Variants in RHBDD1 observed in about 807,000 individuals in gnomAD.
RHBDD1 encodes the protein rhomboid-related protein 4.
RHBDD1 carries 38 observed loss-of-function variants against 36.3 expected under a neutral mutation model. That is an observed-to-expected ratio of 1.05 (90% CI 0.81 to 1.37). The LOEUF is 1.37. Ranked by LOEUF, RHBDD1 falls within the 40% of genes most tolerant of loss-of-function variation. The pLI, the probability that RHBDD1 is intolerant of heterozygous loss-of-function variation, is 0.00. For missense variants in RHBDD1, 393 were observed against 377.6 expected (o/e 1.04, Z -0.34); for synonymous variants, 151 against 136.5 (o/e 1.11, Z -0.74).
intron 5 of RHBDD1, among the ~76,000 whole-genome samples, chr2:226,870,104 A>G (rs1385508515): frequency 6.6e-6 from 1 of 152,226 alleles, no homozygotes; most frequent in Non-Finnish European, 1.5e-5. Context: ...CTCAGCGACT[A>G]TACTAGAGGA....
chr2:226,976,028 G>C (rs1212522543), intron 8 of RHBDD1, among the ~76,000 whole-genome samples: 1 of 151,828 alleles, frequency 6.6e-6, no homozygotes, highest in Non-Finnish European at 1.5e-5. Flanking sequence ...AGCAGGGCCT[G>C]TCTGGTCACA....
At chr2:226,960,998 A>G (rs1315905469) in intron 8 of RHBDD1, among the ~76,000 whole-genome samples, 1 of 152,206 alleles carries the variant, frequency 6.6e-6, no homozygotes, top group Non-Finnish European at 1.5e-5. Flanking sequence ...AGCACTGCCT[A>G]TTAAGAATTT....
At position 226,864,810 on chromosome 2, in the gene RHBDD1, C is replaced by G; in HGVS notation, c.117C>G (p.Ile39Met). 6.2e-7 allele frequency: 1 copy of G among 1,614,218 alleles called. No individual in the cohort carries two copies. The highest frequency in any genetic ancestry group is 8.5e-7 in the Non-Finnish European group (1 of 1,180,024). ...PVTLATLALN[I>M]WFFLNPQKPL... The stretch of plus-strand genomic sequence containing the variant: ...CCCTAGCAACTTTGGCCCTCAACAT[C>G]TGGTTCTTCTTGAACCCTCAGAAGC... The change falls in exon 4 of 9, where the codon ATC becomes ATG. Residue 39 changes from isoleucine to methionine, a missense_variant. Ile to Met is a conservative substitution (Grantham distance 10). Transcript: ENST00000392062.
chr2:226,885,032 CA>C (rs1196272014), intron 5 of RHBDD1, among the ~76,000 whole-genome samples: 2 of 152,036 alleles, frequency 1.3e-5, no homozygotes, highest in Non-Finnish European at 2.9e-5. Flanking sequence ...TATCAATAAA[CA>C]ATTTATAGAA....
intron 5 of RHBDD1, among the ~76,000 whole-genome samples, chr2:226,900,132 T>G (rs1335846472): frequency 6.6e-6 from 1 of 152,352 alleles, no homozygotes; most frequent in East Asian, 1.9e-4. Context: ...ACGCACTTTG[T>G]GTATACACAG....
intron 8 of RHBDD1, among the ~76,000 whole-genome samples, chr2:226,971,613 A>C (rs1953519278): frequency 6.6e-6 from 1 of 152,114 alleles, no homozygotes; most frequent in African/African-American, 2.4e-5. Context: ...GCTATAGTTT[A>C]TTTTTTTGCC....
the RHBDD1 span, among the ~76,000 whole-genome samples, chr2:226,816,904 C>T: frequency 7.2e-6 from 1 of 139,698 alleles, no homozygotes; most frequent in African/African-American, 2.5e-5. Context: ...AAAAAAACCA[C>T]ACACACACGT....
intron 5 of RHBDD1, among the ~76,000 whole-genome samples, chr2:226,902,193 C>T (rs368974807): frequency 6.6e-6 from 1 of 152,240 alleles, no homozygotes; most frequent in Admixed American, 6.5e-5. Flanking sequence ...AATGAAGCCA[C>T]AGGCTTATTC....
chr2:226,977,843 A>G (rs1575404398), intron 8 of RHBDD1, among the ~76,000 whole-genome samples: 1 of 152,230 alleles, frequency 6.6e-6, no homozygotes, highest in East Asian at 1.9e-4. Context: ...TTGTACTTTT[A>G]TATTGAGTTC....
intron 8 of RHBDD1, among the ~76,000 whole-genome samples, chr2:226,990,332 G>C (rs923708733): frequency 2.0e-5 from 3 of 152,140 alleles, no homozygotes; most frequent in African/African-American, 7.2e-5. Flanking sequence ...GTCGCATGCT[G>C]CTGCCCTCAT....
At chr2:226,972,975 A>G (rs998432541) in intron 8 of RHBDD1, among the ~76,000 whole-genome samples, 13 of 150,594 alleles carry the variant, frequency 8.6e-5, no homozygotes, top group African/African-American at 1.5e-4. Context: ...CCCCACTGCT[A>G]TATGATTTTC....
At chr2:226,814,847 T>C in the RHBDD1 span, among the ~76,000 whole-genome samples, 1 of 152,200 alleles carries the variant, frequency 6.6e-6, no homozygotes, top group Admixed American at 6.5e-5. Context: ...CATGTTTACA[T>C]CAGTTCCTTA....
chr2:226,999,163 T>A lies in RHBDD1; in HGVS notation c.*3641T>A, dbSNP rs1960319452. The A allele has an allele frequency of 6.6e-6, 1 of 152,230 alleles. No individual in the cohort carries two copies. The highest frequency in any genetic ancestry group is 6.5e-5 in the Admixed American group (1 of 15,284). 9.4% of individuals were successfully genotyped at this position (152,230 alleles called of 1,614,324 possible). On this transcript the variant is annotated 3_prime_UTR_variant, in exon 9 of 9. Coordinates refer to ENST00000392062, the MANE Select transcript of RHBDD1 (RefSeq NM_001167608.3). ...TCCTCACAGTGCCTTGAGCAGTACG[T>A]TGTCTGGAATGTCAGAACCAATAAA...
the RHBDD1 span, among the ~76,000 whole-genome samples, chr2:226,800,983 C>A: frequency 3.3e-5 from 5 of 152,200 alleles, no homozygotes; most frequent in African/African-American, 1.2e-4. Flanking sequence ...TTTTTTAAGC[C>A]GACCTATAAA....
intron 8 of RHBDD1, chr2:226,914,718 T>C (rs1190161274): frequency 6.4e-6 from 1 of 156,292 alleles, no homozygotes; most frequent in African/African-American, 2.4e-5. Flanking sequence ...TATCAAAATA[T>C]TGCCCATAAA....
At chr2:226,964,381 TTTTC>T (rs1170540510) in intron 8 of RHBDD1, among the ~76,000 whole-genome samples, 2 of 152,156 alleles carry the variant, frequency 1.3e-5, no homozygotes, top group Non-Finnish European at 2.9e-5. Flanking sequence ...ACCATACCTT[TTTTC>T]TTTCTTGTTT....
intron 4 of RHBDD1, among the ~76,000 whole-genome samples, chr2:226,865,657 T>G (rs1944263263): frequency 6.6e-6 from 1 of 152,168 alleles, no homozygotes; most frequent in African/African-American, 2.4e-5. Flanking sequence ...TGTTGGAGTC[T>G]TCACTGTGTG....
chr2:226,917,640 C>G (rs1410478353), intron 8 of RHBDD1, among the ~76,000 whole-genome samples: 1 of 152,116 alleles, frequency 6.6e-6, no homozygotes, highest in African/African-American at 2.4e-5. Context: ...TGCTGAATTA[C>G]TTTTGCTATC....
chr2:226,990,157 T>A (rs1490739850), intron 8 of RHBDD1, among the ~76,000 whole-genome samples: 1 of 152,234 alleles, frequency 6.6e-6, no homozygotes, highest in Non-Finnish European at 1.5e-5. Context: ...TTTAAGCATC[T>A]CCCCTTTTCA....
Sources: allele counts gnomAD v4.1 joint callset (sites outside exome capture counted in the v4.1 genomes callset), GRCh38; gene constraint gnomAD v4.1.1; transcripts MANE v1.5; gene names NCBI Gene and HGNC (gene_info 2026-07-23, HGNC 2026-07-21).